Variants in CNOT11 observed in about 807,000 individuals in gnomAD.
CNOT11 encodes CCR4-NOT transcription complex subunit 11.
Under a neutral mutation model 44.6 loss-of-function variants are expected in CNOT11, and 18 were observed. The observed-to-expected ratio is 0.40, with a 90% confidence interval of 0.28 to 0.60. The LOEUF is 0.60. Ranked by LOEUF, CNOT11 falls within the 20% of genes least tolerant of loss-of-function variation. The pLI, the probability that CNOT11 is intolerant of heterozygous loss-of-function variation, is 0.38. For missense variants in CNOT11, 513 were observed against 677.0 expected, an observed-to-expected ratio of 0.76 and a Z score of 2.69; for synonymous variants, 291 against 270.9, an observed-to-expected ratio of 1.07 and a Z score of -0.73.
In CNOT11 at chr2:101,269,625, G is replaced by GATGACTATCCATAGGAGGA. The variant is rs1682065813; in HGVS notation, c.*216_*234dup. On this transcript the variant is annotated 3_prime_UTR_variant, in exon 7 of 7. Transcript: ENST00000289382. This position sits in a 1 kb window ranked among gnomAD's most constrained non-coding sequence, Gnocchi z 4.8. The stretch of plus-strand genomic sequence containing the variant: ...AAACATGTCTTTTAGGTGTCTTGCT[G>GATGACTATCCATAGGAGGA]ATGACTATCCATAGGAGGAATGGCT... The GATGACTATCCATAGGAGGA allele has an allele frequency of 4.6e-6, 2 of 438,610 alleles. No homozygotes were observed. The highest frequency in any genetic ancestry group is 8.0e-6 in the Non-Finnish European group (2 of 248,672). The allele number at this position is 438,610 out of a possible 1,614,324, so 27.2% of individuals were successfully genotyped here. A position where few individuals can be genotyped will look rare whatever the true frequency, so the allele number is the denominator to read the frequency against.
intron 5 of CNOT11, among the ~76,000 whole-genome samples, chr2:101,267,665 G>T (rs889371007): frequency 1.3e-5 from 2 of 152,126 alleles, no homozygotes; most frequent in African/African-American, 4.8e-5. Context: ...TTCTTGATGT[G>T]TGCTGTACAG....
At position 101,269,547 on chromosome 2, in the gene CNOT11, T is replaced by C. The variant is rs906026981; in HGVS notation, c.*134T>C. 2.2e-5 allele frequency: 15 copies of C among 669,756 alleles called. No homozygotes were observed. Among genetic ancestry groups the C allele is most frequent in the Admixed American group, 6.7e-5 (2 of 29,918 alleles). The allele number at this position is 669,756 out of a possible 1,614,324, so 41.5% of individuals were successfully genotyped here. The stretch of plus-strand genomic sequence containing the variant: ...ACTTTATCTACTTAAAGCAAAGTTT[T>C]GCTTTCTTGAATGACTTTTTCTGTG... On this transcript the variant is annotated 3_prime_UTR_variant, in exon 7 of 7. Coordinates refer to ENST00000289382, the MANE Select transcript of CNOT11 (RefSeq NM_017546.5). This position sits in a 1 kb window ranked among gnomAD's most constrained non-coding sequence, Gnocchi z 4.8.
Position 101,269,475 on chromosome 2 carries a change from C to T in CNOT11, c.*62C>T. 1 of 1,403,134 alleles carries T rather than the reference C, an allele frequency of 7.1e-7. No individual in the cohort carries two copies. Among genetic ancestry groups the T allele is most frequent in the Non-Finnish European group, 1.0e-6 (1 of 998,516 alleles). 86.9% of individuals were successfully genotyped at this position (1,403,134 alleles called of 1,614,324 possible). ...GCTGTACTGTGATTTAGTTTTTACA[C>T]CGTTAAAACCCTGAGTGGATTGCTT... On this transcript the variant is annotated 3_prime_UTR_variant, in exon 7 of 7. Transcript: ENST00000289382. This position sits in a 1 kb window ranked among gnomAD's most constrained non-coding sequence, Gnocchi z 4.8.
intron 1 of CNOT11, among the ~76,000 whole-genome samples, chr2:101,254,397 C>A (rs537624680): frequency 5.2e-4 from 79 of 152,128 alleles, no homozygotes; most frequent in Non-Finnish European, 9.3e-4. Context: ...ACAGGAGGGC[C>A]GCGTTTCTAG....
intron 3 of CNOT11, 142 bp from the exon 4 acceptor site, chr2:101,264,703 G>A: frequency 1.5e-6 from 1 of 654,382 alleles, no homozygotes; most frequent in Non-Finnish European, 2.7e-6. Context: ...TGTCATTCCT[G>A]CTTCTGATTT....
intron 3 of CNOT11, among the ~76,000 whole-genome samples, chr2:101,263,310 T>C (rs933688390): frequency 6.6e-5 from 10 of 152,236 alleles, no homozygotes; most frequent in African/African-American, 2.2e-4. Flanking sequence ...AATCTTCTTA[T>C]TGCTATCATT....
intron 2 of CNOT11, among the ~76,000 whole-genome samples, chr2:101,262,273 A>G (rs1271561106): frequency 6.6e-6 from 1 of 152,224 alleles, no homozygotes; most frequent in Non-Finnish European, 1.5e-5. Context: ...TCCTTGAATA[A>G]CACTGTTTCA....
intron 2 of CNOT11, among the ~76,000 whole-genome samples, chr2:101,261,283 C>T (rs1307608731): frequency 6.6e-6 from 1 of 152,194 alleles, no homozygotes; most frequent in Non-Finnish European, 1.5e-5. Flanking sequence ...TATAGTTTCA[C>T]TTTGCATGCC....
chr2:101,268,510 A>G (rs957921862), intron 5 of CNOT11, among the ~76,000 whole-genome samples: 6 of 152,250 alleles, frequency 3.9e-5, no homozygotes, highest in African/African-American at 1.4e-4. Context: ...TTGGCGACGC[A>G]CAAATCTCAA....
In CNOT11 at chr2:101,264,978, T is replaced by G. The variant is rs375994088; in HGVS notation, c.966T>G (p.Thr322=). 43 of 1,614,214 alleles carry G rather than the reference T, an allele frequency of 2.7e-5. No individual in the cohort carries two copies. The highest frequency in any genetic ancestry group is 3.3e-4 in the Middle Eastern group (2 of 6,062). Residue 322 remains threonine (T), a synonymous_variant, in exon 4 of 7, where the codon ACT becomes ACG. Coordinates refer to ENST00000289382, the MANE Select transcript of CNOT11 (RefSeq NM_017546.5). ...WDKSMCVKNS[T]GVEIKRIMAK... Reference sequence around the variant, plus strand: ...AATCGATGTGTGTTAAGAATAGCACTGGTGTGGAGATCAAACGAATAATGG... The same window carrying G: ...AATCGATGTGTGTTAAGAATAGCACGGGTGTGGAGATCAAACGAATAATGG...
chr2:101,254,251 G>A (rs1681690029), intron 1 of CNOT11, among the ~76,000 whole-genome samples: 1 of 152,196 alleles, frequency 6.6e-6, no homozygotes, highest in Non-Finnish European at 1.5e-5. Context: ...AGGAACCAGT[G>A]TAGTGGAGGA....
Position 101,269,593 on chromosome 2 carries a change from C to G in CNOT11, c.*180C>G, listed in dbSNP as rs756844978. The G allele has an allele frequency of 1.5e-5, 8 of 517,148 alleles. No homozygotes were observed. Among genetic ancestry groups the G allele is most frequent in the Non-Finnish European group, 2.7e-5 (8 of 296,184 alleles). 32.0% of individuals were successfully genotyped at this position (517,148 alleles called of 1,614,324 possible). ...CTGTGAGATGAATTTTTGATAAGAA[C>G]TAGGGAAAACATGTCTTTTAGGTGT... On this transcript the variant is annotated 3_prime_UTR_variant, in exon 7 of 7. Transcript: ENST00000289382. This position sits in a 1 kb window ranked among gnomAD's most constrained non-coding sequence, Gnocchi z 4.8.
chr2:101,253,454 G>C lies in CNOT11; in HGVS notation c.490G>C (p.Glu164Gln). ...CGCGCCGCCCGCCCGCGGCGGCCAG[G>C]AACCCGACCGCCCTCCGCTCTCAGG... Reference protein sequence around the residue: ...NPAPPARGGQEPDRPPLSGFL... With the variant: ...NPAPPARGGQQPDRPPLSGFL... The change falls in exon 1 of 7, where the codon GAA becomes CAA. Residue 164 changes from glutamate to glutamine, a missense_variant. Physicochemically the swap from Glu to Gln is conservative, Grantham distance 29. Coordinates refer to ENST00000289382, the MANE Select transcript of CNOT11 (RefSeq NM_017546.5). This position sits in a 1 kb window ranked among gnomAD's most constrained non-coding sequence, Gnocchi z 4.3. 1.3e-6 allele frequency: 2 copies of C among 1,504,506 alleles called. No homozygotes were observed. The highest frequency in any genetic ancestry group is 1.8e-6 in the Non-Finnish European group (2 of 1,137,458). 93.2% of individuals were successfully genotyped at this position (1,504,506 alleles called of 1,614,324 possible).
intron 1 of CNOT11, among the ~76,000 whole-genome samples, chr2:101,254,785 C>T (rs1681701830): frequency 6.6e-6 from 1 of 152,118 alleles, no homozygotes; most frequent in South Asian, 2.1e-4. Context: ...GTAGCCCCAG[C>T]TGCTCAGGAG....
rs1306551039 is a variant in CNOT11, at chr2:101,253,153, G to A, written c.189G>A (p.Leu63=). The change falls in exon 1 of 7, where the codon TTG becomes TTA. Residue 63 remains leucine, a synonymous_variant. Transcript: ENST00000289382. This position sits in a 1 kb window ranked among gnomAD's most constrained non-coding sequence, Gnocchi z 4.3. ...GPGGPAGRMS[L]TPKELSSLLS... ...GGGGCCCCGCGGGCAGGATGAGCTT[G>A]ACCCCGAAGGAGCTCTCGAGCCTGC... The A allele has an allele frequency of 6.3e-7, 1 of 1,582,476 alleles. No individual in the cohort carries two copies. Among genetic ancestry groups the A allele is most frequent in the Non-Finnish European group, 8.6e-7 (1 of 1,167,584 alleles).
At position 101,269,728 on chromosome 2, in the gene CNOT11, T is replaced by TC. The variant is rs1179085800; in HGVS notation, c.*315_*316insC. The stretch of plus-strand genomic sequence containing the variant: ...ACTAAAGAACAAAATGCATTTTTCA[T>TC]TAATACAGGCTTCTGATGAACCAGG... On this transcript the variant is annotated 3_prime_UTR_variant, in exon 7 of 7. Transcript: ENST00000289382. The surrounding 1 kb of genome is among the most constrained non-coding windows in gnomAD (Gnocchi z 4.8). The TC allele has an allele frequency of 1.9e-5, 4 of 214,618 alleles. No individual in the cohort carries two copies. The highest frequency in any genetic ancestry group is 3.7e-5 in the Non-Finnish European group (4 of 108,652). 13.3% of individuals were successfully genotyped at this position (214,618 alleles called of 1,614,324 possible).
chr2:101,263,830 T>C (rs183960135), intron 3 of CNOT11, among the ~76,000 whole-genome samples: 5 of 152,318 alleles, frequency 3.3e-5, no homozygotes, highest in East Asian at 1.9e-4. Flanking sequence ...CAGGAAGATA[T>C]ATGAAAAGCA....
At chr2:101,254,549 T>G (rs989266592) in intron 1 of CNOT11, among the ~76,000 whole-genome samples, 35 of 152,266 alleles carry the variant, frequency 2.3e-4, no homozygotes, top group African/African-American at 8.2e-4. Flanking sequence ...AGCTTGTGAC[T>G]GCCCAGAAAG....
intron 2 of CNOT11, among the ~76,000 whole-genome samples, chr2:101,259,786 C>T (rs1681811545): frequency 6.6e-6 from 1 of 152,048 alleles, no homozygotes; most frequent in South Asian, 2.1e-4. Flanking sequence ...ACCTATAATC[C>T]CAGCAGTTTG....
Sources: allele counts gnomAD v4.1 joint callset (sites outside exome capture counted in the v4.1 genomes callset), GRCh38; gene constraint gnomAD v4.1.1; non-coding constraint Gnocchi (gnomAD v3.1); transcripts MANE v1.5; gene names NCBI Gene and HGNC (gene_info 2026-07-23, HGNC 2026-07-21).